Variants in CACNB2 observed in about 807,000 individuals in gnomAD.
CACNB2 encodes calcium voltage-gated channel auxiliary subunit beta 2.
A neutral mutation model predicts 73.3 loss-of-function variants in CACNB2; 42 were observed. The ratio of observed to expected loss-of-function variants is 0.57; its 90% confidence interval spans 0.45 to 0.74. The LOEUF (loss-of-function observed/expected upper bound fraction) is 0.74, where lower values mean the gene tolerates loss of function less well. CACNB2 is among the 30% of genes least tolerant of loss of function. CACNB2 has a pLI of 0.00. For synonymous variants in CACNB2, 348 were observed against 310.3 expected, an observed-to-expected ratio of 1.12 and a Z score of -1.28; for missense variants, 940 against 853.0, an observed-to-expected ratio of 1.10 and a Z score of -1.27.
At chr10:18,498,566 A>G in intron 4 of CACNB2, 89 bp downstream of exon 4, 1 of 1,323,502 alleles carries the variant, frequency 7.6e-7, no homozygotes, top group Admixed American at 1.7e-5. Flanking sequence ...GTTTCTGTGA[A>G]GTAGCATTGC....
intron 2 of CACNB2, among the ~76,000 whole-genome samples, chr10:18,278,648 G>A (rs140245385): frequency 7.9e-5 from 12 of 152,098 alleles, no homozygotes; most frequent in African/African-American, 2.4e-4. Context: ...GATAGAAAAC[G>A]GCTAAGTCAG....
At chr10:18,467,665 C>T (rs534766307) in intron 3 of CACNB2, among the ~76,000 whole-genome samples, 2 of 152,310 alleles carry the variant, frequency 1.3e-5, no homozygotes, top group African/African-American at 4.8e-5. Flanking sequence ...TTGACAGTGG[C>T]AGTCAGGAAC....
intron 2 of CACNB2, among the ~76,000 whole-genome samples, chr10:18,170,184 C>T (rs1460297812): frequency 6.6e-6 from 1 of 152,184 alleles, no homozygotes; most frequent in African/African-American, 2.4e-5. Context: ...AAAATCAACT[C>T]CACACAAGGC....
At chr10:18,268,548 A>G (rs1234842894) in intron 2 of CACNB2, among the ~76,000 whole-genome samples, 1 of 152,224 alleles carries the variant, frequency 6.6e-6, no homozygotes, top group Non-Finnish European at 1.5e-5. Flanking sequence ...GTATGATTGC[A>G]TTTATTCTAC....
chr10:18,218,754 A>G (rs944529477), intron 2 of CACNB2, among the ~76,000 whole-genome samples: 4 of 152,146 alleles, frequency 2.6e-5, no homozygotes, highest in African/African-American at 9.7e-5. Context: ...CTGTAGTCCC[A>G]GCTACTTGGG....
At chr10:18,297,543 G>A (rs899306718) in intron 2 of CACNB2, among the ~76,000 whole-genome samples, 4 of 152,164 alleles carry the variant, frequency 2.6e-5, no homozygotes, top group Non-Finnish European at 5.9e-5. Context: ...GGATGACAGA[G>A]TGAGACCATG....
At chr10:18,422,847 C>T (rs755407485) in intron 3 of CACNB2, among the ~76,000 whole-genome samples, 6 of 152,096 alleles carry the variant, frequency 3.9e-5, no homozygotes, top group Admixed American at 6.6e-5. Flanking sequence ...TATAGGCATG[C>T]GACACCACAC....
At chr10:18,208,054 C>T (rs1208153385) in intron 2 of CACNB2, among the ~76,000 whole-genome samples, 1 of 152,186 alleles carries the variant, frequency 6.6e-6, no homozygotes, top group African/African-American at 2.4e-5. Context: ...ATATTAGTTG[C>T]ATCTTTCTTG....
intron 10 of CACNB2, among the ~76,000 whole-genome samples, chr10:18,529,347 G>A (rs1037912663): frequency 2.0e-5 from 3 of 152,134 alleles, no homozygotes; most frequent in African/African-American, 7.2e-5. Flanking sequence ...GGAAGCCCAT[G>A]AATAAAAAAA....
intron 1 of CACNB2, among the ~76,000 whole-genome samples, chr10:18,148,095 TA>T (rs34416277): frequency 1.3e-5 from 2 of 150,990 alleles, no homozygotes; most frequent in Admixed American, 6.6e-5. Context: ...TACAGTTTTT[TA>T]AAAAAAAAGA....
intron 2 of CACNB2, among the ~76,000 whole-genome samples, chr10:18,318,316 C>A (rs112475801): frequency 0.078 from 11,819 of 152,050 alleles, 640 homozygotes; most frequent in Non-Finnish European, 0.12. Context: ...TCAGAAATAA[C>A]GCTGCATGTC....
intron 2 of CACNB2, among the ~76,000 whole-genome samples, chr10:18,323,629 T>C (rs1477890263): frequency 6.6e-6 from 1 of 152,206 alleles, no homozygotes; most frequent in Non-Finnish European, 1.5e-5. Flanking sequence ...GAATTAGAGA[T>C]TATTCTCCCC....
At chr10:18,334,094 C>T (rs2040909154) in intron 2 of CACNB2, among the ~76,000 whole-genome samples, 2 of 152,200 alleles carry the variant, frequency 1.3e-5, no homozygotes, top group Admixed American at 1.3e-4. Flanking sequence ...CTTCTCTTTT[C>T]AGATTAGTGA....
intron 3 of CACNB2, among the ~76,000 whole-genome samples, chr10:18,446,176 C>G (rs2046725962): frequency 6.6e-6 from 1 of 152,060 alleles, no homozygotes; most frequent in African/African-American, 2.4e-5. Flanking sequence ...ATTTAAGGAC[C>G]AGGGGTCCTT....
intron 3 of CACNB2, among the ~76,000 whole-genome samples, chr10:18,487,803 C>T (rs748665656): frequency 2.0e-5 from 3 of 149,576 alleles, no homozygotes; most frequent in Non-Finnish European, 4.4e-5. Flanking sequence ...CCACAAATTG[C>T]ACTCCAGCCT....
chr10:18,211,635 A>G (rs1233888270), intron 2 of CACNB2, among the ~76,000 whole-genome samples: 1 of 152,108 alleles, frequency 6.6e-6, no homozygotes, highest in African/African-American at 2.4e-5. Context: ...GTATTCTTAG[A>G]TGTTTTCCTG....
At chr10:18,531,470 C>CAT (rs1287109705) in intron 10 of CACNB2, among the ~76,000 whole-genome samples, 2 of 152,120 alleles carry the variant, frequency 1.3e-5, no homozygotes, top group African/African-American at 2.4e-5. Flanking sequence ...CTGCAGTGAA[C>CAT]ATATACATGC....
rs770757228 is a variant in CACNB2 at position 18,538,372 on chromosome 10, G to C, written c.1488+7G>C. On this transcript the variant is annotated splice_region_variant and intron_variant, in intron 13 of 13. Coordinates refer to ENST00000324631, the MANE Select transcript of CACNB2 (RefSeq NM_201596.3). ...CCTAGCCTCTAATTCACAGGTAAGG[G>C]GAGTTTTTATATATATCTATATATA... The C allele has an allele frequency of 1.9e-6, 3 of 1,605,000 alleles. No homozygotes were observed. Among genetic ancestry groups the C allele is most frequent in the Non-Finnish European group, 2.6e-6 (3 of 1,171,468 alleles).
Position 18,424,669 on chromosome 10 carries a change from T to G in CACNB2, c.333+22626T>G, listed in dbSNP as rs149063444. Among the ~76,000 whole-genome samples, 125 of 152,368 alleles carry G rather than the reference T, an allele frequency of 8.2e-4. 1 individual carries two copies. Among genetic ancestry groups the G allele is most frequent in the African/African-American group, 2.7e-3 (114 of 41,590 alleles). On this transcript the variant is annotated intron_variant, in intron 3 of 13. Coordinates refer to ENST00000324631, the MANE Select transcript of CACNB2 (RefSeq NM_201596.3). Reference sequence around the variant, plus strand: ...ATTATGTCTTACCATCTATATTTATTTTCTACATGACATACTGGTTAGTTT... The same window carrying G: ...ATTATGTCTTACCATCTATATTTATGTTCTACATGACATACTGGTTAGTTT...
Sources: allele counts gnomAD v4.1 joint callset (sites outside exome capture counted in the v4.1 genomes callset), GRCh38; gene constraint gnomAD v4.1.1; transcripts MANE v1.5; gene names NCBI Gene and HGNC (gene_info 2026-07-23, HGNC 2026-07-21).